The following IFT122 variants were observed in gnomAD, a reference collection of about 807,000 sequenced individuals.
IFT122 encodes the protein intraflagellar transport protein 122 homolog.
IFT122 carries 118 observed loss-of-function variants against 161.6 expected under a neutral mutation model. The observed-to-expected ratio is 0.73, with a 90% CI of 0.63 to 0.85. IFT122 has a LOEUF of 0.85. Ranked by LOEUF, IFT122 falls within the 40% of genes least tolerant of loss-of-function variation. IFT122 has a pLI of 0.00. For missense variants in IFT122, 1,381 were observed against 1,579.6 expected (o/e 0.87, Z 2.13); for synonymous variants, 550 against 602.4 (o/e 0.91, Z 1.27).
rs1218550956 is a variant in IFT122, at chr3:129,506,448, T to C, written c.2690T>C (p.Val897Ala). 6.2e-7 allele frequency: 1 copy of C among 1,614,052 alleles called. No individual in the cohort carries two copies. The highest frequency in any genetic ancestry group is 1.7e-5 in the Admixed American group (1 of 59,998). The change falls in exon 22 of 30, where the codon GTG (valine) becomes GCG (alanine). Residue 897 changes from valine (V) to alanine (A), a missense_variant. By Grantham distance (64) the Val-to-Ala change is moderately conservative (BLOSUM62 0). Transcript: ENST00000348417. ...GGGCGACAGAGAGAAGCGGTCCAGG[T>C]GCTGGAGCAGCTCACAAACAATGCC... ...KAGRQREAVQVLEQLTNNAVA... is the reference protein window; with the variant it reads ...KAGRQREAVQALEQLTNNAVA...
chr3:129,520,090 C>T, intron 29 of IFT122, 86 bp from the exon 30 acceptor site: 1 of 1,107,700 alleles, frequency 9.0e-7, no homozygotes. Flanking sequence ...AGCCCCCTCC[C>T]CTTGAGAGGC....
rs1218964135 is a variant in IFT122, at chr3:129,451,975, A to G, written c.170A>G (p.Tyr57Cys). The G allele has an allele frequency of 6.2e-7, 1 of 1,613,712 alleles. No individual in the cohort carries two copies. Among genetic ancestry groups the G allele is most frequent in the Non-Finnish European group, 8.5e-7 (1 of 1,179,704 alleles). The change falls in exon 3 of 30, where the codon TAC (tyrosine) becomes TGC (cysteine). Residue 57 changes from tyrosine to cysteine, a missense_variant. Transcript: ENST00000348417. The part of the protein sequence containing the change: ...QPLKGHKDTV[Y>C]CVAYAKDGKR... The stretch of plus-strand genomic sequence containing the variant: ...CTCAAGGGACACAAAGACACTGTGT[A>G]CTGTGTGGCATATGCGAAGGATGGT...
At chr3:129,481,069 A>T (rs540860789) in intron 13 of IFT122, among the ~76,000 whole-genome samples, 1 of 152,326 alleles carries the variant, frequency 6.6e-6, no homozygotes, top group African/African-American at 2.4e-5. Context: ...ATCTCTAAAA[A>T]AAATTTTTTT....
At chr3:129,453,324 TGA>T (rs1194895605) in intron 3 of IFT122, among the ~76,000 whole-genome samples, 2 of 151,878 alleles carry the variant, frequency 1.3e-5, no homozygotes, top group Admixed American at 1.3e-4. Context: ...CAACAGCAAC[TGA>T]GAGTGGCAAT....
intron 27 of IFT122, among the ~76,000 whole-genome samples, chr3:129,518,563 T>C (rs2084308483): frequency 6.6e-6 from 1 of 152,134 alleles, no homozygotes; most frequent in Non-Finnish European, 1.5e-5. Context: ...ACAGATGATA[T>C]GTGCTATGGT....
chr3:129,483,616 C>T lies in IFT122; in HGVS notation c.1785C>T (p.Val595=), dbSNP rs893942495. The change falls in exon 15 of 30, where the codon GTC becomes GTT. Residue 595 remains valine (V), a synonymous_variant. Coordinates refer to ENST00000348417, the MANE Select transcript of IFT122 (RefSeq NM_052989.3). The part of the protein sequence containing the change: ...VHRQKLQGFV[V]GYNGSKIFCL... ...GGCAGAAGCTGCAGGGCTTTGTGGTCGGCTACAATGGCTCCAAGATCTTCT... is the reference window on the plus strand; with the variant it reads ...GGCAGAAGCTGCAGGGCTTTGTGGTTGGCTACAATGGCTCCAAGATCTTCT... 2.0e-5 allele frequency: 32 copies of T among 1,613,586 alleles called. No homozygotes were observed. The highest frequency in any genetic ancestry group is 5.3e-5 in the African/African-American group (4 of 74,916).
At chr3:129,478,984 T>G (rs1360889870) in intron 12 of IFT122, among the ~76,000 whole-genome samples, 1 of 151,998 alleles carries the variant, frequency 6.6e-6, no homozygotes, top group East Asian at 1.9e-4. Context: ...CCAAGAGAAG[T>G]TTGGAAAGAC....
intron 23 of IFT122, 34 bp downstream of exon 23, chr3:129,507,796 C>A (rs1369590432): frequency 1.3e-6 from 2 of 1,518,846 alleles, no homozygotes; most frequent in Non-Finnish European, 1.8e-6. Context: ...CCTGAGGGTA[C>A]CATCTCCTGA....
intron 26 of IFT122, 91 bp from the exon 27 acceptor site, chr3:129,517,378 T>G: frequency 5.1e-6 from 8 of 1,560,078 alleles, no homozygotes; most frequent in Non-Finnish European, 5.2e-6. Flanking sequence ...GCCAGTGGGT[T>G]GAGAAGCAAC....
intron 11 of IFT122, 123 bp downstream of exon 11, chr3:129,476,924 A>G (rs1298813488): frequency 6.8e-6 from 8 of 1,171,710 alleles, no homozygotes; most frequent in Non-Finnish European, 9.9e-6. Flanking sequence ...CCTGTTAGCC[A>G]CTGGGTCTGT....
At chr3:129,461,358 A>C in intron 5 of IFT122, 54 bp downstream of exon 5, 1 of 1,218,804 alleles carries the variant, frequency 8.2e-7, no homozygotes, top group Non-Finnish European at 1.2e-6. Context: ...TCTGGGCTAA[A>C]AATGCTAAAA....
intron 27 of IFT122, among the ~76,000 whole-genome samples, chr3:129,518,861 G>T (rs926830209): frequency 6.6e-6 from 1 of 152,246 alleles, no homozygotes; most frequent in East Asian, 1.9e-4. Context: ...CACAGGGCCC[G>T]CATGTGCTTC....
At chr3:129,458,565 A>G (rs779703788) in intron 3 of IFT122, 34 bp from the exon 4 acceptor site, 226 of 1,563,196 alleles carry the variant, frequency 1.4e-4, no homozygotes, top group Non-Finnish European at 2.0e-4. Context: ...GTTTAAGATA[A>G]ATGTAAGACT....
In IFT122 at chr3:129,476,744, G is replaced by A. The variant is rs1222365255; in HGVS notation, c.1090G>A (p.Ala364Thr). 1 of 1,614,062 alleles carries A rather than the reference G, an allele frequency of 6.2e-7. No homozygotes were observed. Among genetic ancestry groups the A allele is most frequent in the East Asian group, 2.2e-5 (1 of 44,884 alleles). Residue 364 changes from alanine to threonine, a missense_variant, in exon 11 of 30, where the codon GCC becomes ACC. Coordinates refer to ENST00000348417, the MANE Select transcript of IFT122 (RefSeq NM_052989.3). ...TVHGLYKDRYAYRDSMTDVIV... is the reference protein window; with the variant it reads ...TVHGLYKDRYTYRDSMTDVIV... The stretch of plus-strand genomic sequence containing the variant: ...CCATGGGCTTTACAAGGACCGCTAT[G>A]CCTACAGGGATAGCATGACTGACGT...
intron 1 of IFT122, among the ~76,000 whole-genome samples, chr3:129,447,509 G>A (rs368505548): frequency 5.9e-5 from 9 of 152,126 alleles, no homozygotes; most frequent in African/African-American, 2.2e-4. Flanking sequence ...AGAATAGGTT[G>A]TAAAATGTTT....
chr3:129,465,252 C>T (rs2108129060), intron 7 of IFT122, among the ~76,000 whole-genome samples: 1 of 150,994 alleles, frequency 6.6e-6, no homozygotes, highest in Non-Finnish European at 1.5e-5. Context: ...TTTTTTAGTT[C>T]TTCCCTCCAA....
chr3:129,488,424 A>G, intron 16 of IFT122, 27 bp downstream of exon 16: 1 of 1,613,842 alleles, frequency 6.2e-7, no homozygotes. Context: ...CAGGAGCTGG[A>G]GTTTGGTCCT....
At chr3:129,490,425 G>T (rs576522383) in intron 16 of IFT122, among the ~76,000 whole-genome samples, 2 of 152,288 alleles carry the variant, frequency 1.3e-5, no homozygotes, top group South Asian at 2.1e-4. Flanking sequence ...AGAGCTGCAG[G>T]TTCCTCCCTA....
chr3:129,461,274 C>G lies in IFT122; in HGVS notation c.319C>G (p.Gln107Glu). The G allele has an allele frequency of 6.2e-7, 1 of 1,613,536 alleles. No individual in the cohort carries two copies. ...TGTCTCCTACAATCCTATTACTCAT[C>G]AACTGGCATCTTGTTCCTCCAGTGA... ...QCVSYNPITH[Q>E]LASCSSSDFG... Residue 107 changes from glutamine (Q) to glutamate (E), a missense_variant, in exon 5 of 30, where the codon CAA (glutamine) becomes GAA (glutamate). By Grantham distance (29) the Gln-to-Glu change is conservative. Coordinates refer to ENST00000348417, the MANE Select transcript of IFT122 (RefSeq NM_052989.3).
Sources: gnomAD v4.1 joint callset for allele counts (sites outside exome capture counted in the v4.1 genomes callset) on GRCh38, gnomAD v4.1.1 for gene constraint, MANE v1.5 for transcripts, NCBI Gene and HGNC (gene_info 2026-07-23, HGNC 2026-07-21) for gene names.